ETFA: variants seen among roughly 807,000 people sequenced by gnomAD.
The protein encoded by ETFA is electron transfer flavoprotein subunit alpha, mitochondrial.
A neutral mutation model predicts 46.2 loss-of-function variants in ETFA; 22 were observed. The observed-to-expected ratio is 0.48, with a 90% CI of 0.34 to 0.68. The LOEUF (loss-of-function observed/expected upper bound fraction) is 0.68. Among genes scored for constraint, ETFA ranks in the 30% least tolerant of loss-of-function variants. ETFA has a pLI of 0.01. For synonymous variants in ETFA, 131 were observed against 139.9 expected (o/e 0.94, Z 0.45); for missense variants, 345 against 401.1 (o/e 0.86, Z 1.19).
chr15:76,271,607 A>G (rs543700747), intron 9 of ETFA, among the ~76,000 whole-genome samples: 1 of 152,332 alleles, frequency 6.6e-6, no homozygotes, highest in South Asian at 2.1e-4. Context: ...TTTTTGGAAT[A>G]ACAGGCAAAA....
intron 7 of ETFA, 146 bp from the exon 8 acceptor site, chr15:76,283,971 C>T: frequency 1.6e-6 from 1 of 634,494 alleles, no homozygotes; most frequent in Non-Finnish European, 2.8e-6. Flanking sequence ...CTTTTCTGGC[C>T]TCTGACACTC....
intron 8 of ETFA, among the ~76,000 whole-genome samples, chr15:76,281,940 G>A (rs960373403): frequency 4.5e-5 from 5 of 109,906 alleles, no homozygotes; most frequent in Non-Finnish European, 6.7e-5. Context: ...ATCTCACTCT[G>A]TTACCCAGGC....
At chr15:76,244,302 T>C (rs1260959413) in intron 9 of ETFA, among the ~76,000 whole-genome samples, 1 of 152,218 alleles carries the variant, frequency 6.6e-6, no homozygotes, top group Admixed American at 6.5e-5. Flanking sequence ...GCTTGTAATA[T>C]GGAAAATAGT....
At chr15:76,305,201 C>G (rs574230964) in intron 1 of ETFA, among the ~76,000 whole-genome samples, 3 of 151,716 alleles carry the variant, frequency 2.0e-5, no homozygotes, top group Admixed American at 2.0e-4. Context: ...TCCCAAACAC[C>G]CTCTATGTTC....
At chr15:76,260,543 C>CT in intron 9 of ETFA, 1 of 1,478,940 alleles carries the variant, frequency 6.8e-7, no homozygotes, top group Non-Finnish European at 9.4e-7. Context: ...CGATCAGGCC[C>CT]TTTTGGGGAT....
At position 76,275,196 on chromosome 15, in the gene ETFA, G is replaced by A. The variant is rs537022296; in HGVS notation, c.734-702C>T. On this transcript the variant is annotated intron_variant, in intron 8 of 11. Transcript: ENST00000557943. ...TAACCCATACACTGATCCCCATAAT[G>A]CTCTGCATGCTCCCTAACCTGCACC... 2.8e-4 allele frequency among the ~76,000 whole-genome samples: 43 copies of A among 152,146 alleles called. 1 individual carries two copies. In the South Asian group the frequency reaches 4.2e-3, roughly 15 times the overall value.
In ETFA at chr15:76,295,737, C is replaced by A; in HGVS notation, c.40G>T (p.Ala14Ser). 1 of 1,607,454 alleles carries A rather than the reference C, an allele frequency of 6.2e-7. No individual in the cohort carries two copies. The highest frequency in any genetic ancestry group is 8.5e-7 in the Non-Finnish European group (1 of 1,178,104). ...GTACTCTGAAATCGTAGCAATGAGG[C>A]CTAAAAAGAGCAAAAAGGAAAAAAA... ...AAAPGQLRRA[A>S]SLLRFQSTLV... Residue 14 changes from alanine (A) to serine (S), a missense_variant and splice_region_variant, in exon 2 of 12, where the codon GCC becomes TCC. Transcript: ENST00000557943.
At chr15:76,276,237 T>C (rs2039590167) in intron 8 of ETFA, among the ~76,000 whole-genome samples, 1 of 152,102 alleles carries the variant, frequency 6.6e-6, no homozygotes, top group Non-Finnish European at 1.5e-5. Flanking sequence ...CCTACATTGG[T>C]GAGTGTTTTC....
chr15:76,278,814 G>C (rs771704359), intron 8 of ETFA, among the ~76,000 whole-genome samples: 1 of 152,168 alleles, frequency 6.6e-6, no homozygotes, highest in East Asian at 1.9e-4. Flanking sequence ...ACCACCTGCA[G>C]CTATGTCCAC....
intron 9 of ETFA, among the ~76,000 whole-genome samples, chr15:76,249,762 T>C (rs2141481369): frequency 6.6e-6 from 1 of 152,262 alleles, no homozygotes; most frequent in South Asian, 2.1e-4. Context: ...TTAAAATATA[T>C]AGTTCTGGGA....
At position 76,301,231 on chromosome 15, in the gene ETFA, T is replaced by C. The variant is rs2039877099; in HGVS notation, c.40-5494A>G. On this transcript the variant is annotated intron_variant, in intron 1 of 11. Coordinates refer to ENST00000557943, the MANE Select transcript of ETFA (RefSeq NM_000126.4). ...CTAGTTAGCTTTGCTAGCACCAACA[T>C]GGTACCTTGTAATTGCCTTCATTAC... 2.6e-5 allele frequency among the ~76,000 whole-genome samples: 4 copies of C among 152,336 alleles called. No individual in the cohort carries two copies. In the South Asian group the frequency reaches 6.2e-4, roughly 24 times the overall value.
At chr15:76,217,847 A>T (rs1313694135) in intron 11 of ETFA, among the ~76,000 whole-genome samples, 1 of 152,246 alleles carries the variant, frequency 6.6e-6, no homozygotes, top group African/African-American at 2.4e-5. Flanking sequence ...CTACATTTCC[A>T]TTAGGTGGAA....
Position 76,311,308 on chromosome 15 carries a change from C to T in ETFA, c.39+42G>A, listed in dbSNP as rs201980346. The T allele has an allele frequency of 1.3e-4, 207 of 1,548,600 alleles. 3 individuals are homozygous for T. The East Asian group carries it at 4.2e-3, about 31-fold the overall frequency. On this transcript the variant is annotated intron_variant, in intron 1 of 11. Coordinates refer to ENST00000557943, the MANE Select transcript of ETFA (RefSeq NM_000126.4). ...AGACCCCATAGGGACGGCGGGTTGA[C>T]GGGGGGCCGTCCCTGGGTTCGCCTT...
At chr15:76,225,980 C>CAG (rs1596188381) in intron 10 of ETFA, 51 bp from the exon 11 acceptor site, 2 of 1,037,272 alleles carry the variant, frequency 1.9e-6, no homozygotes, top group East Asian at 4.8e-5. Context: ...ACATTTCACA[C>CAG]AGACTGATAG....
intron 9 of ETFA, chr15:76,260,028 A>G (rs112729239): frequency 0.2 from 271,767 of 1,383,100 alleles, 1,222 homozygotes; most frequent in Middle Eastern, 0.23. Context: ...CTTCAATGTC[A>G]CTTGAGGCAA....
chr15:76,259,183 G>A (rs1378624330), intron 9 of ETFA: 2 of 1,518,896 alleles, frequency 1.3e-6, no homozygotes, highest in African/African-American at 1.4e-5. Context: ...CTGTAGGGCT[G>A]ATCCCCGCTA....
intron 5 of ETFA, 96 bp from the exon 6 acceptor site, chr15:76,286,577 A>C (rs1163519463): frequency 1.0e-5 from 8 of 776,162 alleles, no homozygotes; most frequent in Admixed American, 2.0e-5. Context: ...ACAAGGCAAG[A>C]AATAACTATT....
intron 9 of ETFA, among the ~76,000 whole-genome samples, chr15:76,273,107 A>G (rs1474573225): frequency 6.6e-6 from 1 of 152,176 alleles, no homozygotes; most frequent in Non-Finnish European, 1.5e-5. Context: ...CTACTCATCA[A>G]AAGAAAATGA....
chr15:76,287,416 C>A (rs914433643), intron 5 of ETFA, among the ~76,000 whole-genome samples: 8 of 152,178 alleles, frequency 5.3e-5, no homozygotes, highest in Non-Finnish European at 1.0e-4. Flanking sequence ...AATCCTCCCA[C>A]CTCAGCCTGC....
Sources: allele counts gnomAD v4.1 joint callset (sites outside exome capture counted in the v4.1 genomes callset), GRCh38; gene constraint gnomAD v4.1.1; transcripts MANE v1.5; gene names NCBI Gene and HGNC (gene_info 2026-07-23, HGNC 2026-07-21).